Variants in PITPNC1 observed in about 807,000 individuals in gnomAD.
PITPNC1 encodes the protein cytoplasmic phosphatidylinositol transfer protein 1.
A neutral mutation model predicts 44.7 loss-of-function variants in PITPNC1; 18 were observed. The observed-to-expected ratio is 0.40, with a 90% CI of 0.28 to 0.60. PITPNC1 has a LOEUF of 0.60. PITPNC1 is among the 20% of genes least tolerant of loss of function. The pLI, the probability that PITPNC1 is intolerant of heterozygous loss-of-function variation, is 0.39. For synonymous variants in PITPNC1, 141 were observed against 149.6 expected, an observed-to-expected ratio of 0.94 and a Z score of 0.42; for missense variants, 290 against 418.4, an observed-to-expected ratio of 0.69 and a Z score of 2.68.
At position 67,379,157 on chromosome 17, in the gene PITPNC1, G is replaced by A. The variant is rs1324834175; in HGVS notation, c.48+955G>A. ...TCCAGGGACAGCGAGGGAGCCCAAA[G>A]CCAAGCAAGGCAACGTGAAACTCAC... On this transcript the variant is annotated intron_variant, in intron 1 of 8. Coordinates refer to ENST00000581322, the MANE Select transcript of PITPNC1 (RefSeq NM_012417.4). The A allele has an allele frequency of 3.0e-6, 3 of 985,828 alleles. No homozygotes were observed. In the African/African-American group the frequency reaches 5.2e-5, roughly 17 times the overall value. The allele number at this position is 985,828 out of a possible 1,614,324, so 61.1% of individuals were successfully genotyped here.
At chr17:67,500,877 CAG>C (rs540979967) in intron 1 of PITPNC1, among the ~76,000 whole-genome samples, 149 of 151,382 alleles carry the variant, frequency 9.8e-4, no homozygotes, top group African/African-American at 3.2e-3. Flanking sequence ...TAAGTGGAGA[CAG>C]GGGTCTCTCT....
At chr17:67,635,503 G>A (rs548128516) in intron 6 of PITPNC1, among the ~76,000 whole-genome samples, 91 of 152,282 alleles carry the variant, frequency 6.0e-4, no homozygotes, top group African/African-American at 2.2e-3. Flanking sequence ...ATCTAACACA[G>A]ACAGAAATGA....
intron 1 of PITPNC1, among the ~76,000 whole-genome samples, chr17:67,509,418 T>C (rs1598757262): frequency 6.6e-6 from 1 of 151,642 alleles, no homozygotes; most frequent in Admixed American, 6.6e-5. Context: ...ACGCCTGTAA[T>C]CCCAGCCACT....
At chr17:67,651,572 C>T (rs1449319836) in intron 6 of PITPNC1, among the ~76,000 whole-genome samples, 1 of 152,076 alleles carries the variant, frequency 6.6e-6, no homozygotes, top group Non-Finnish European at 1.5e-5. Flanking sequence ...TACAATTCAG[C>T]CATTTTGAAT....
At chr17:67,477,278 C>A (rs2039644086) in intron 1 of PITPNC1, among the ~76,000 whole-genome samples, 1 of 135,790 alleles carries the variant, frequency 7.4e-6, no homozygotes, top group Non-Finnish European at 1.6e-5. Flanking sequence ...TGGAGTTTCA[C>A]TCTTATTGCC....
At chr17:67,599,019 TATATATATATATA>T (rs1332667520) in intron 5 of PITPNC1, among the ~76,000 whole-genome samples, 18 of 37,356 alleles carry the variant, frequency 4.8e-4, no homozygotes, top group African/African-American at 1.7e-3. Flanking sequence ...TATATATATA[TATATATATATATA>T]TATTTTTTTT....
At chr17:67,503,374 G>T (rs1460521340) in intron 1 of PITPNC1, among the ~76,000 whole-genome samples, 1 of 152,082 alleles carries the variant, frequency 6.6e-6, no homozygotes, top group African/African-American at 2.4e-5. Flanking sequence ...AGCTTAAAAG[G>T]TAAGGTGACT....
chr17:67,494,197 CTTTCTTTCTTTCTTTCTTTT>C (rs1568012927), intron 1 of PITPNC1, among the ~76,000 whole-genome samples: 135 of 141,878 alleles, frequency 9.5e-4, no homozygotes, highest in Middle Eastern at 3.5e-3. Flanking sequence ...TTCTTTCTTT[CTTTCTTTCTTTCTTTCTTTT>C]TGAGACGTAG....
At chr17:67,495,974 T>C (rs748843746) in intron 1 of PITPNC1, among the ~76,000 whole-genome samples, 1 of 152,248 alleles carries the variant, frequency 6.6e-6, no homozygotes, top group Non-Finnish European at 1.5e-5. Flanking sequence ...TGTAGGAAAG[T>C]TCATCTGTAT....
At chr17:67,420,957 C>T (rs1260678196) in intron 1 of PITPNC1, among the ~76,000 whole-genome samples, 1 of 152,134 alleles carries the variant, frequency 6.6e-6, no homozygotes, top group Non-Finnish European at 1.5e-5. Flanking sequence ...AGAATTTCAC[C>T]AGCCATGAAT....
chr17:67,545,154 C>G (rs1254107604), intron 2 of PITPNC1, among the ~76,000 whole-genome samples: 1 of 151,736 alleles, frequency 6.6e-6, no homozygotes, highest in East Asian at 1.9e-4. Context: ...TCTACAAAAA[C>G]TTTAAGATAT....
chr17:67,645,688 C>T (rs146645530), intron 6 of PITPNC1, among the ~76,000 whole-genome samples: 70 of 152,314 alleles, frequency 4.6e-4, no homozygotes, highest in African/African-American at 1.6e-3. Context: ...GGGAATCTGA[C>T]GCCATCTGTA....
At chr17:67,482,270 T>C (rs539113926) in intron 1 of PITPNC1, among the ~76,000 whole-genome samples, 1 of 152,184 alleles carries the variant, frequency 6.6e-6, no homozygotes, top group Non-Finnish European at 1.5e-5. Flanking sequence ...TTTAAATATA[T>C]GGTTTTAAAG....
rs545092305 is a variant in PITPNC1, at chr17:67,478,390, G to A, written c.49-54412G>A. On this transcript the variant is annotated intron_variant, in intron 1 of 8. Transcript: ENST00000581322. ...AATCTGTACTTTCATTTTGGGTAGCGCCTAAAAGAGACACAGCAGTCCCTG... is the reference window on the plus strand; with the variant it reads ...AATCTGTACTTTCATTTTGGGTAGCACCTAAAAGAGACACAGCAGTCCCTG... Among the ~76,000 whole-genome samples, 44 of 152,226 alleles carry A rather than the reference G, an allele frequency of 2.9e-4. 2 individuals carry two copies. In the South Asian group the frequency reaches 8.3e-3, roughly 29 times the overall value.
At position 67,464,570 on chromosome 17, in the gene PITPNC1, G is replaced by A. The variant is rs1270146490; in HGVS notation, c.49-68232G>A. On this transcript the variant is annotated intron_variant, in intron 1 of 8. Transcript: ENST00000581322. ...GAATTGGAACTGTGGAACTCACCCC[G>A]TAAAAATCTTTCAACACTGTCCTGA... Among the ~76,000 whole-genome samples, 5 of 152,136 alleles carry A rather than the reference G, an allele frequency of 3.3e-5. No homozygotes were observed. In the South Asian group the frequency reaches 6.2e-4, roughly 19 times the overall value.
chr17:67,503,397 C>T (rs1482375007), intron 1 of PITPNC1, among the ~76,000 whole-genome samples: 1 of 152,108 alleles, frequency 6.6e-6, no homozygotes, highest in Non-Finnish European at 1.5e-5. Context: ...CTCTGGGTCA[C>T]AGAGCTGGCA....
intron 5 of PITPNC1, among the ~76,000 whole-genome samples, chr17:67,631,657 A>AAAAAC (rs1555574522): frequency 1.3e-4 from 1 of 7,682 alleles, no homozygotes; most frequent in African/African-American, 3.7e-4. Context: ...AAAAAAAAAA[A>AAAAAC]ATATATATAT....
rs773797594 is a variant in PITPNC1 at position 67,522,659 on chromosome 17, C to CTTTTTTTTTTTTTTTTT, written c.49-10129_49-10128insTTTTTTTTTTTTTTTTT. Among the ~76,000 whole-genome samples the CTTTTTTTTTTTTTTTTT allele has an allele frequency of 6.8e-3, 791 of 117,138 alleles. 133 individuals carry two copies. Among genetic ancestry groups the CTTTTTTTTTTTTTTTTT allele is most frequent in the African/African-American group, 0.032 (725 of 22,758 alleles). 76.8% of individuals were successfully genotyped at this position (117,138 alleles called of 152,430 possible). On this transcript the variant is annotated intron_variant, in intron 1 of 8. Coordinates refer to ENST00000581322, the MANE Select transcript of PITPNC1 (RefSeq NM_012417.4). ...ATATCATAAAATTTACCATTTTAAT[C>CTTTTTTTTTTTTTTTTT]TTTTTTTTTTTTTTGGAAAATGAGG... is the stretch of plus-strand genomic sequence containing the variant.
chr17:67,378,669 C>A (rs1007796337), intron 1 of PITPNC1, among the ~76,000 whole-genome samples: 1 of 152,132 alleles, frequency 6.6e-6, no homozygotes, highest in African/African-American at 2.4e-5. Context: ...CCGAGCCCCG[C>A]GGGAGGAACC....
Sources: allele counts gnomAD v4.1 joint callset (sites outside exome capture counted in the v4.1 genomes callset), GRCh38; gene constraint gnomAD v4.1.1; transcripts MANE v1.5; gene names NCBI Gene and HGNC (gene_info 2026-07-23, HGNC 2026-07-21).